EXT1: variants seen among roughly 807,000 people sequenced by gnomAD.
The protein encoded by EXT1 is exostosin glycosyltransferase 1.
Under a neutral mutation model 82.5 loss-of-function variants are expected in EXT1, and 20 were observed. That is an observed-to-expected ratio of 0.24 (90% CI 0.17 to 0.35). The LOEUF (loss-of-function observed/expected upper bound fraction) is 0.35. Ranked by LOEUF, EXT1 falls within the 10% of genes least tolerant of loss-of-function variation. The pLI is 1.00. For missense variants in EXT1, 757 were observed against 936.5 expected, an observed-to-expected ratio of 0.81 and a Z score of 2.50; for synonymous variants, 348 against 350.8, an observed-to-expected ratio of 0.99 and a Z score of 0.09.
At chr8:118,095,279 T>C (rs531123270) in intron 1 of EXT1, among the ~76,000 whole-genome samples, 2 of 152,336 alleles carry the variant, frequency 1.3e-5, no homozygotes, top group South Asian at 4.1e-4. Flanking sequence ...CTAAACTAAG[T>C]GCAGGAAAAC....
chr8:117,981,701 T>C (rs1056137378), intron 1 of EXT1, among the ~76,000 whole-genome samples: 1 of 150,282 alleles, frequency 6.7e-6, no homozygotes, highest in African/African-American at 2.5e-5. Context: ...GAAACCCCAG[T>C]TCTACTAAAA....
chr8:118,067,523 A>C (rs1470026213), intron 1 of EXT1, among the ~76,000 whole-genome samples: 1 of 152,260 alleles, frequency 6.6e-6, no homozygotes, highest in East Asian at 1.9e-4. Flanking sequence ...GACATAGTAC[A>C]TAACAGAGCC....
intron 1 of EXT1, among the ~76,000 whole-genome samples, chr8:118,046,266 A>C (rs1359830265): frequency 3.3e-5 from 5 of 152,140 alleles, no homozygotes; most frequent in Non-Finnish European, 7.4e-5. Context: ...AAGGAGCAGC[A>C]GATAAGGCTT....
intron 1 of EXT1, among the ~76,000 whole-genome samples, chr8:117,847,604 T>C (rs116218151): frequency 0.01 from 1,541 of 152,258 alleles, 22 homozygotes; most frequent in African/African-American, 0.035. Context: ...AACCTCCTCA[T>C]GGCTTCTGCA....
intron 1 of EXT1, among the ~76,000 whole-genome samples, chr8:118,096,315 G>A (rs1817610086): frequency 6.6e-6 from 1 of 152,042 alleles, no homozygotes; most frequent in Non-Finnish European, 1.5e-5. Context: ...AAACACAATA[G>A]TAAAAATAGA....
chr8:118,037,888 T>C (rs1030442668), intron 1 of EXT1, among the ~76,000 whole-genome samples: 1 of 144,100 alleles, frequency 6.9e-6, no homozygotes, highest in Non-Finnish European at 1.5e-5. Flanking sequence ...TCGCCCAGAC[T>C]GCAGTGCAAT....
intron 3 of EXT1, among the ~76,000 whole-genome samples, chr8:117,833,038 T>C (rs981745705): frequency 6.6e-6 from 1 of 152,124 alleles, no homozygotes; most frequent in African/African-American, 2.4e-5. Context: ...AATAAAAACA[T>C]CCCAGCTGTT....
intron 1 of EXT1, among the ~76,000 whole-genome samples, chr8:118,074,703 G>C (rs951331273): frequency 5.3e-5 from 8 of 152,220 alleles, no homozygotes; most frequent in African/African-American, 1.9e-4. Flanking sequence ...GGGAGAGCTG[G>C]GGGCTGGAGG....
At chr8:117,996,047 T>A (rs1011386240) in intron 1 of EXT1, among the ~76,000 whole-genome samples, 8 of 151,658 alleles carry the variant, frequency 5.3e-5, no homozygotes, top group Non-Finnish European at 1.2e-4. Context: ...AGAAATGGGG[T>A]CTACTGCCCT....
chr8:118,074,019 C>G (rs1817155659), intron 1 of EXT1, among the ~76,000 whole-genome samples: 1 of 151,874 alleles, frequency 6.6e-6, no homozygotes, highest in African/African-American at 2.4e-5. Context: ...ACCTTTCAGA[C>G]GCTTCCACTC....
intron 1 of EXT1, among the ~76,000 whole-genome samples, chr8:117,857,500 C>T (rs954579502): frequency 4.6e-5 from 7 of 150,736 alleles, no homozygotes; most frequent in African/African-American, 1.2e-4. Context: ...CCTAGGAGTT[C>T]GAGACCAGCT....
chr8:117,922,192 T>C (rs957479063), intron 1 of EXT1, among the ~76,000 whole-genome samples: 2 of 152,066 alleles, frequency 1.3e-5, no homozygotes, highest in Admixed American at 6.6e-5. Flanking sequence ...GAACTCACAC[T>C]CCCAATTTCT....
rs1047633992 is a variant in EXT1 at position 117,927,736 on chromosome 8, C to T, written c.963-90535G>A. ...TACAGGTAGGGCTGACTTTGTTTGC[C>T]TGTGACCCATACGGTGACACTAGAG... On this transcript the variant is annotated intron_variant, in intron 1 of 10. Coordinates refer to ENST00000378204, the MANE Select transcript of EXT1 (RefSeq NM_000127.3). Among the ~76,000 whole-genome samples the T allele has an allele frequency of 2.0e-5, 3 of 152,226 alleles. No homozygotes were observed. In the East Asian group the frequency reaches 5.8e-4, roughly 29 times the overall value.
intron 1 of EXT1, among the ~76,000 whole-genome samples, chr8:117,875,761 A>G (rs1812958436): frequency 6.6e-6 from 1 of 152,170 alleles, no homozygotes; most frequent in Non-Finnish European, 1.5e-5. Context: ...AATATAAAGA[A>G]AAGCTGAAAA....
chr8:118,031,945 G>A (rs1816328252), intron 1 of EXT1, among the ~76,000 whole-genome samples: 1 of 151,882 alleles, frequency 6.6e-6, no homozygotes, highest in East Asian at 1.9e-4. Context: ...GCAAATCAAG[G>A]CTGCTCCTCA....
intron 1 of EXT1, among the ~76,000 whole-genome samples, chr8:117,923,367 G>C (rs1485786244): frequency 2.0e-5 from 3 of 151,680 alleles, no homozygotes; most frequent in Admixed American, 6.6e-5. Context: ...GGGGATGTGG[G>C]TGGCTCGAGG....
chr8:117,861,118 T>C (rs572675296), intron 1 of EXT1, among the ~76,000 whole-genome samples: 1 of 152,166 alleles, frequency 6.6e-6, no homozygotes, highest in Non-Finnish European at 1.5e-5. Context: ...TGGAAACATA[T>C]CTTTCAGCCC....
chr8:118,085,963 GTCTC>G (rs796941517), intron 1 of EXT1, among the ~76,000 whole-genome samples: 2 of 152,244 alleles, frequency 1.3e-5, no homozygotes, highest in African/African-American at 2.4e-5. Context: ...ACTGTTTTTG[GTCTC>G]TCTATCATAA....
intron 1 of EXT1, among the ~76,000 whole-genome samples, chr8:118,076,687 G>C (rs1395237436): frequency 6.6e-6 from 1 of 152,188 alleles, no homozygotes; most frequent in Admixed American, 6.5e-5. Context: ...TTACAAAGAA[G>C]GGTCTGCCGA....
Sources: allele counts gnomAD v4.1 joint callset (sites outside exome capture counted in the v4.1 genomes callset), GRCh38; gene constraint gnomAD v4.1.1; transcripts MANE v1.5; gene names NCBI Gene and HGNC (gene_info 2026-07-23, HGNC 2026-07-21).